HS6ST3: variants seen among roughly 807,000 people sequenced by gnomAD.
The protein encoded by HS6ST3 is heparan sulfate 6-O-sulfotransferase 3, also known as heparan-sulfate 6-O-sulfotransferase 3.
Under a neutral mutation model 36.7 loss-of-function variants are expected in HS6ST3, and 12 were observed. That is an observed-to-expected ratio of 0.33 (90% CI 0.21 to 0.53). HS6ST3 has a LOEUF of 0.53. Among genes scored for constraint, HS6ST3 ranks in the 20% least tolerant of loss-of-function variants. The pLI, the probability that HS6ST3 is intolerant of heterozygous loss-of-function variation, is 0.95. For synonymous variants in HS6ST3, 240 were observed against 257.5 expected (o/e 0.93, Z 0.65); for missense variants, 584 against 640.9 (o/e 0.91, Z 0.96).
intron 1 of HS6ST3, among the ~76,000 whole-genome samples, chr13:96,408,591 A>G (rs1482408397): frequency 6.6e-6 from 1 of 152,142 alleles, no homozygotes; most frequent in Non-Finnish European, 1.5e-5. Flanking sequence ...GGGGTGAGTG[A>G]CAGTTAGGCC....
chr13:96,566,661 A>T (rs1274605776), intron 1 of HS6ST3, among the ~76,000 whole-genome samples: 5 of 152,174 alleles, frequency 3.3e-5, no homozygotes. Context: ...GAACCAAAAA[A>T]CTAGACATAA....
intron 1 of HS6ST3, among the ~76,000 whole-genome samples, chr13:96,304,157 T>A (rs75608978): frequency 0.36 from 52,647 of 146,480 alleles, 9,820 homozygotes; most frequent in African/African-American, 0.43. Flanking sequence ...AAAAAAAAAA[T>A]GTGATTTTTA....
intron 1 of HS6ST3, among the ~76,000 whole-genome samples, chr13:96,776,281 C>G (rs1171593139): frequency 6.6e-6 from 1 of 151,866 alleles, no homozygotes; most frequent in Admixed American, 6.6e-5. Flanking sequence ...TGAAAAGAAT[C>G]TAGAGAAGCA....
chr13:96,670,877 T>C (rs1486474271), intron 1 of HS6ST3, among the ~76,000 whole-genome samples: 1 of 152,136 alleles, frequency 6.6e-6, no homozygotes. Flanking sequence ...TGCTTTCTGC[T>C]GGGCAGACAC....
At chr13:96,615,029 T>C (rs1040689049) in intron 1 of HS6ST3, among the ~76,000 whole-genome samples, 1 of 152,166 alleles carries the variant, frequency 6.6e-6, no homozygotes. Context: ...TTACAAGATA[T>C]CTTGGCTTTT....
intron 1 of HS6ST3, among the ~76,000 whole-genome samples, chr13:96,465,174 G>C (rs1448432132): frequency 6.6e-6 from 1 of 152,098 alleles, no homozygotes; most frequent in East Asian, 1.9e-4. Context: ...TAACTACTCT[G>C]GAAAACACTT....
intron 1 of HS6ST3, among the ~76,000 whole-genome samples, chr13:96,395,959 G>A (rs192919840): frequency 6.6e-6 from 1 of 152,248 alleles, no homozygotes; most frequent in East Asian, 1.9e-4. Flanking sequence ...GAGGAAGTTT[G>A]CCTGAGCCTC....
At chr13:96,339,680 A>T (rs1420980425) in intron 1 of HS6ST3, among the ~76,000 whole-genome samples, 1 of 152,248 alleles carries the variant, frequency 6.6e-6, no homozygotes, top group Non-Finnish European at 1.5e-5. Context: ...GATTATAGCC[A>T]TGGCTGCCCA....
At chr13:96,205,966 A>C (rs990845426) in intron 1 of HS6ST3, among the ~76,000 whole-genome samples, 12 of 152,234 alleles carry the variant, frequency 7.9e-5, no homozygotes, top group African/African-American at 2.9e-4. Context: ...CTGGCCAGGG[A>C]GATCAGGCAA....
intron 1 of HS6ST3, among the ~76,000 whole-genome samples, chr13:96,543,188 C>A (rs2056184716): frequency 6.6e-6 from 1 of 152,128 alleles, no homozygotes; most frequent in Non-Finnish European, 1.5e-5. Context: ...GCAGCAGCTC[C>A]CAGCAGTGCA....
chr13:96,560,500 C>T (rs937517251), intron 1 of HS6ST3, among the ~76,000 whole-genome samples: 10 of 152,078 alleles, frequency 6.6e-5, no homozygotes, highest in African/African-American at 2.2e-4. Context: ...TCCTATTCAA[C>T]GCAGTACTGG....
intron 1 of HS6ST3, among the ~76,000 whole-genome samples, chr13:96,312,378 C>T (rs1017069058): frequency 2.0e-5 from 3 of 152,004 alleles, no homozygotes; most frequent in African/African-American, 2.4e-5. Context: ...ATTACATTGT[C>T]GTCAGTGAAT....
At chr13:96,228,581 T>C (rs894950224) in intron 1 of HS6ST3, among the ~76,000 whole-genome samples, 9 of 152,194 alleles carry the variant, frequency 5.9e-5, no homozygotes, top group Non-Finnish European at 1.3e-4. Flanking sequence ...TGAATATTCT[T>C]TATTTTTTTA....
intron 1 of HS6ST3, among the ~76,000 whole-genome samples, chr13:96,584,667 C>T (rs1351544946): frequency 1.3e-5 from 2 of 152,172 alleles, no homozygotes; most frequent in Non-Finnish European, 2.9e-5. Flanking sequence ...GACATTATCC[C>T]TGGTCTTTTG....
chr13:96,764,773 G>A (rs543245572), intron 1 of HS6ST3, among the ~76,000 whole-genome samples: 1 of 152,212 alleles, frequency 6.6e-6, no homozygotes, highest in South Asian at 2.1e-4. Flanking sequence ...CAACTCTCTG[G>A]GAAGAATTTA....
chr13:96,679,011 A>C (rs867729002), intron 1 of HS6ST3, among the ~76,000 whole-genome samples: 4 of 151,614 alleles, frequency 2.6e-5, no homozygotes, highest in South Asian at 2.1e-4. Context: ...GATGATAGGA[A>C]AATTATATGT....
intron 1 of HS6ST3, among the ~76,000 whole-genome samples, chr13:96,503,429 A>C (rs2056013510): frequency 6.6e-6 from 1 of 152,210 alleles, no homozygotes; most frequent in African/African-American, 2.4e-5. Flanking sequence ...AGAGTATTTC[A>C]TTAACAAGGA....
intron 1 of HS6ST3, among the ~76,000 whole-genome samples, chr13:96,696,189 G>A (rs990859876): frequency 7.9e-5 from 12 of 152,132 alleles, no homozygotes; most frequent in African/African-American, 2.2e-4. Flanking sequence ...CAGAAGGGCC[G>A]GCTGGAACTT....
At chr13:96,487,341 T>C (rs1028885689) in intron 1 of HS6ST3, among the ~76,000 whole-genome samples, 3 of 152,138 alleles carry the variant, frequency 2.0e-5, no homozygotes, top group East Asian at 1.9e-4. Flanking sequence ...TTTGAGGTTT[T>C]TCAGAGCACT....
Sources: allele counts gnomAD v4.1 joint callset (sites outside exome capture counted in the v4.1 genomes callset), GRCh38; gene constraint gnomAD v4.1.1; transcripts MANE v1.5; gene names NCBI Gene and HGNC (gene_info 2026-07-23, HGNC 2026-07-21).